LIG3: variants seen among roughly 807,000 people sequenced by gnomAD.
LIG3 encodes the protein DNA ligase 3, also known as ligase II, DNA, ATP-dependent.
A neutral mutation model predicts 110.9 loss-of-function variants in LIG3; 58 were observed. The observed-to-expected ratio is 0.52, with a 90% confidence interval of 0.42 to 0.65. The LOEUF is 0.65. Among genes scored for constraint, LIG3 ranks in the 30% least tolerant of loss-of-function variants. The probability of loss-of-function intolerance (pLI) is 0.00; values close to 1 mark genes in which losing one functional copy is unlikely to be tolerated. For missense variants in LIG3, 1,094 were observed against 1,273.8 expected, an observed-to-expected ratio of 0.86 and a Z score of 2.15; for synonymous variants, 422 against 472.8, an observed-to-expected ratio of 0.89 and a Z score of 1.39.
chr17:34,993,551 G>C (rs2090747770), intron 8 of LIG3, among the ~76,000 whole-genome samples: 1 of 152,218 alleles, frequency 6.6e-6, no homozygotes, highest in African/African-American at 2.4e-5. Flanking sequence ...ACTGGCATGG[G>C]TTATATAGCT....
chr17:34,984,078 T>A (rs891954413), intron 2 of LIG3, among the ~76,000 whole-genome samples: 3 of 152,240 alleles, frequency 2.0e-5, no homozygotes, highest in African/African-American at 7.2e-5. Flanking sequence ...CTTATGCGAC[T>A]ATAATATAGC....
intron 19 of LIG3, 191 bp from the exon 20 acceptor site, chr17:35,004,082 G>A: frequency 6.9e-6 from 4 of 583,770 alleles, no homozygotes; most frequent in Non-Finnish European, 9.2e-6. Flanking sequence ...GGCAGGGATG[G>A]AGGGGCGTGT....
rs146567316 is a variant in LIG3 at position 34,986,092 on chromosome 17, G to A, written c.652G>A (p.Val218Ile). ...VTSPVKGASF[V>I]TSTNPRKFSG... The stretch of plus-strand genomic sequence containing the variant: ...TTCTCCAGTGAAAGGCGCCTCATTT[G>A]TCACCAGTACCAATCCCCGGAAATT... The change falls in exon 3 of 20, where the codon GTC (valine) becomes ATC (isoleucine). Residue 218 changes from valine to isoleucine, a missense_variant. By Grantham distance (29) the Val-to-Ile change is conservative. Transcript: ENST00000378526. 1.9e-6 allele frequency: 3 copies of A among 1,614,170 alleles called. No homozygotes were observed. Among genetic ancestry groups the A allele is most frequent in the Non-Finnish European group, 1.7e-6 (2 of 1,180,028 alleles).
At position 34,992,588 on chromosome 17, in the gene LIG3, G is replaced by A. The variant is rs1248211400; in HGVS notation, c.1351G>A (p.Val451Met). 6.2e-7 allele frequency: 1 copy of A among 1,613,858 alleles called. No individual in the cohort carries two copies. The highest frequency in any genetic ancestry group is 8.5e-7 in the Non-Finnish European group (1 of 1,179,896). The change falls in exon 8 of 20, where the codon GTG (valine) becomes ATG (methionine). Residue 451 changes from valine to methionine, a missense_variant. Transcript: ENST00000378526. ...AGCCTCGCGCAACCTGCAGGATGTGGTGGAGCGGGTCCTTCACAACGCGCA... is the reference window on the plus strand; with the variant it reads ...AGCCTCGCGCAACCTGCAGGATGTGATGGAGCGGGTCCTTCACAACGCGCA... ...FKASRNLQDV[V>M]ERVLHNAQEV... is the part of the protein sequence containing the mutation.
intron 5 of LIG3, 199 bp downstream of exon 5, chr17:34,991,313 A>G (rs1046487854): frequency 1.7e-6 from 1 of 598,702 alleles, no homozygotes; most frequent in East Asian, 2.8e-5. Context: ...GAGGGTGGAA[A>G]CCATACAACT....
intron 5 of LIG3, 148 bp from the exon 6 acceptor site, chr17:34,991,523 C>T (rs2090720615): frequency 1.4e-6 from 1 of 723,340 alleles, no homozygotes; most frequent in African/African-American, 1.8e-5. Context: ...TGTGGATGGG[C>T]TAGTGTCTCT....
At chr17:35,002,226 T>A in intron 18 of LIG3, 122 bp downstream of exon 18, 1 of 850,124 alleles carries the variant, frequency 1.2e-6, no homozygotes, top group Non-Finnish European at 1.7e-6. Context: ...TCCACTGCAG[T>A]GGACACAGAC....
rs568002723 is a variant in LIG3 at position 35,000,026 on chromosome 17, A to T, written c.2331+170A>T. Among the ~76,000 whole-genome samples the T allele has an allele frequency of 4.6e-5, 7 of 152,306 alleles. No individual in the cohort carries two copies. In the East Asian group the frequency reaches 1.4e-3, roughly 29 times the overall value. The stretch of plus-strand genomic sequence containing the variant: ...AACCAGACAACTCTGAGGAATTTTG[A>T]ATAGAATTCTTTCTGCAATACAATT... On this transcript the variant is annotated intron_variant, in intron 16 of 19. Transcript: ENST00000378526.
rs1429463857 is a variant in LIG3, at chr17:35,009,199, G to T, written c.*4693G>T. 1 of 152,622 alleles carries T rather than the reference G, an allele frequency of 6.6e-6. No individual in the cohort carries two copies. Among genetic ancestry groups the T allele is most frequent in the Non-Finnish European group, 1.5e-5 (1 of 68,032 alleles). 9.5% of individuals were successfully genotyped at this position (152,622 alleles called of 1,614,324 possible). Reference sequence around the variant, plus strand: ...CATTTGGGTTTGCTTTAACCTCCAAGTAAGTCTGAGAAAATCTTAATAAAA... The same window carrying T: ...CATTTGGGTTTGCTTTAACCTCCAATTAAGTCTGAGAAAATCTTAATAAAA... On this transcript the variant is annotated 3_prime_UTR_variant, in exon 20 of 20. Transcript: ENST00000378526.
intron 4 of LIG3, among the ~76,000 whole-genome samples, chr17:34,990,362 C>T (rs1490763791): frequency 1.3e-5 from 2 of 152,206 alleles, no homozygotes; most frequent in African/African-American, 2.4e-5. Context: ...TCACTGCAAC[C>T]TCCGCCTCCT....
rs1034018713 is a variant in LIG3, at chr17:34,997,783, A to G, written c.1869A>G (p.Glu623=). The G allele has an allele frequency of 2.5e-6, 4 of 1,614,164 alleles. No homozygotes were observed. The highest frequency in any genetic ancestry group is 3.4e-6 in the Non-Finnish European group (4 of 1,179,994). ...RRKFLHDNMV[E]IPNRIMFSEM... ...AGTTTCTTCATGACAACATGGTTGA[A>G]ATTCCAAACCGGATCATGTTCTCAG... Residue 623 remains glutamate, a synonymous_variant, in exon 12 of 20, where the codon GAA becomes GAG. Coordinates refer to ENST00000378526, the MANE Select transcript of LIG3 (RefSeq NM_013975.4).
intron 4 of LIG3, among the ~76,000 whole-genome samples, chr17:34,990,685 A>G (rs2090709880): frequency 6.6e-6 from 1 of 151,998 alleles, no homozygotes; most frequent in African/African-American, 2.4e-5. Flanking sequence ...TATAGCCTCG[A>G]CCTCCTGAGC....
At chr17:34,994,246 G>A (rs760545851) in intron 8 of LIG3, 30 bp from the exon 9 acceptor site, 2 of 1,599,080 alleles carry the variant, frequency 1.3e-6, no homozygotes, top group South Asian at 1.1e-5. Context: ...CTCATTGAAA[G>A]TCTCCAGGCT....
At position 35,001,117 on chromosome 17, in the gene LIG3, G is replaced by A. The variant is rs1011409364; in HGVS notation, c.2332-140G>A. On this transcript the variant is annotated intron_variant, in intron 16 of 19. Transcript: ENST00000378526. ...GACGGGGTTGCGTCATGTTGGCCAG[G>A]CTGGTCTCAAACTCCTGACCTCAAG... 1.1e-5 allele frequency: 9 copies of A among 802,762 alleles called. No homozygotes were observed. The African/African-American group carries it at 1.5e-4, about 14-fold the overall frequency. The allele number at this position is 802,762 out of a possible 1,614,324, so 49.7% of individuals were successfully genotyped here. A position where few individuals can be genotyped will look rare whatever the true frequency, so the allele number is the denominator to read the frequency against.
chr17:34,993,915 A>C (rs3135992), intron 8 of LIG3, among the ~76,000 whole-genome samples: 3,574 of 152,220 alleles, frequency 0.023, 138 homozygotes, highest in African/African-American at 0.081. Flanking sequence ...TACCTCTTTT[A>C]CTGGGAGAAC....
chr17:34,997,247 G>C, intron 11 of LIG3: 1 of 172,192 alleles, frequency 5.8e-6, no homozygotes, highest in South Asian at 1.3e-4. Flanking sequence ...CTCTACCCCT[G>C]TTCCTCCTGC....
At chr17:34,983,575 C>T (rs755159956) in intron 2 of LIG3, 23 bp downstream of exon 2, 1 of 1,591,832 alleles carries the variant, frequency 6.3e-7, no homozygotes, top group Non-Finnish European at 8.6e-7. Context: ...ACACTGCTTT[C>T]TCATCTTACT....
intron 19 of LIG3, chr17:35,003,238 C>T: frequency 8.0e-7 from 1 of 1,253,724 alleles, no homozygotes; most frequent in Middle Eastern, 2.5e-4. Flanking sequence ...TCTCCTCCCA[C>T]CTGAGGAGCC....
chr17:34,980,650 G>T, intron 1 of LIG3, 28 bp downstream of exon 1: 1 of 1,198,602 alleles, frequency 8.3e-7, no homozygotes, highest in Non-Finnish European at 1.1e-6. Flanking sequence ...GCGGCACGGC[G>T]CGGCGGGGCC....
Sources: gnomAD v4.1 joint callset for allele counts (sites outside exome capture counted in the v4.1 genomes callset) on GRCh38, gnomAD v4.1.1 for gene constraint, MANE v1.5 for transcripts, NCBI Gene and HGNC (gene_info 2026-07-23, HGNC 2026-07-21) for gene names.